The following LRRC7 variants were observed in gnomAD, a reference collection of about 807,000 sequenced individuals.
The protein encoded by LRRC7 is leucine-rich repeat-containing protein 7.
Under a neutral mutation model 175.7 loss-of-function variants are expected in LRRC7, and 23 were observed. That is an observed-to-expected ratio of 0.13 (90% CI 0.09 to 0.19). The LOEUF (loss-of-function observed/expected upper bound fraction) is 0.19, where lower values mean the gene tolerates loss of function less well. Among genes scored for constraint, LRRC7 ranks in the 10% least tolerant of loss-of-function variants. The probability of loss-of-function intolerance (pLI) is 1.00; values close to 1 mark genes in which losing one functional copy is unlikely to be tolerated. For synonymous variants in LRRC7, 685 were observed against 680.9 expected, an observed-to-expected ratio of 1.01 and a Z score of -0.09; for missense variants, 1,354 against 1,904.7, an observed-to-expected ratio of 0.71 and a Z score of 5.38.
chr1:70,121,576 C>T (rs942620969), intron 26 of LRRC7, among the ~76,000 whole-genome samples: 3 of 151,996 alleles, frequency 2.0e-5, no homozygotes, highest in African/African-American at 4.8e-5. Context: ...AAGACATAAT[C>T]GGTACTTAAT....
chr1:69,671,645 T>C lies in LRRC7; in HGVS notation c.3-6736T>C, dbSNP rs1659091369. 2.0e-5 allele frequency among the ~76,000 whole-genome samples: 3 copies of C among 152,122 alleles called. No homozygotes were observed. In the South Asian group the frequency reaches 6.2e-4, roughly 32 times the overall value. ...TATGGCCTCAGAGCATTTTAGCCCA[T>C]GGTAGTGAGGCTTCCTGGAGCTCAA... On this transcript the variant is annotated intron_variant, in intron 1 of 26. Coordinates refer to ENST00000651989, the MANE Select transcript of LRRC7 (RefSeq NM_001370785.2).
intron 7 of LRRC7, among the ~76,000 whole-genome samples, chr1:69,864,221 C>T (rs991383762): frequency 3.3e-5 from 5 of 152,136 alleles, no homozygotes; most frequent in African/African-American, 9.7e-5. Flanking sequence ...TTGCTTGTTT[C>T]CCTTGCAGGT....
chr1:70,062,398 TA>T (rs1230347862), intron 23 of LRRC7, among the ~76,000 whole-genome samples: 1 of 152,130 alleles, frequency 6.6e-6, no homozygotes, highest in African/African-American at 2.4e-5. Flanking sequence ...TATACTCTTT[TA>T]AAACATATGC....
chr1:69,795,170 G>C (rs1463783304), intron 4 of LRRC7, among the ~76,000 whole-genome samples: 1 of 152,016 alleles, frequency 6.6e-6, no homozygotes, highest in Admixed American at 6.6e-5. Context: ...TCGTGAGGTC[G>C]GGAGTTTGAG....
At position 69,926,187 on chromosome 1, in the gene LRRC7, C is replaced by T. The variant is rs1244270551; in HGVS notation, c.648-5320C>T. Among the ~76,000 whole-genome samples the T allele has an allele frequency of 2.2e-5, 3 of 138,490 alleles. No individual in the cohort carries two copies. In the South Asian group the frequency reaches 7.0e-4, roughly 32 times the overall value. The allele number at this position is 138,490 out of a possible 152,430, so 90.9% of individuals were successfully genotyped here. A position where few individuals can be genotyped will look rare whatever the true frequency, so the allele number is the denominator to read the frequency against. On this transcript the variant is annotated intron_variant, in intron 7 of 26. Coordinates refer to ENST00000651989, the MANE Select transcript of LRRC7 (RefSeq NM_001370785.2). ...GAGACAGTTTGTTATAATTTCCGTT[C>T]TTTTACATTTGCTGAGGAGAGCTTT...
chr1:69,990,366 C>A (rs1367342606), intron 10 of LRRC7, among the ~76,000 whole-genome samples: 5 of 151,742 alleles, frequency 3.3e-5, no homozygotes, highest in Admixed American at 3.3e-4. Flanking sequence ...TTTGATTACT[C>A]TAGAGAAAAG....
At chr1:69,612,618 G>A (rs1648948397) in intron 1 of LRRC7, among the ~76,000 whole-genome samples, 4 of 151,982 alleles carry the variant, frequency 2.6e-5, no homozygotes, top group Admixed American at 2.0e-4. Flanking sequence ...AATGGTGAAG[G>A]AACATGTAAG....
chr1:70,036,623 A>G lies in LRRC7; in HGVS notation c.2287A>G (p.Arg763Gly), dbSNP rs1659342313. 1 of 1,602,172 alleles carries G rather than the reference A, an allele frequency of 6.2e-7. No homozygotes were observed. Among genetic ancestry groups the G allele is most frequent in the East Asian group, 2.2e-5 (1 of 44,798 alleles). ...DAVHNSLWGN[R>G]IAPSFPQPLD... ...AGTACATAATTCTTTGTGGGGTAAC[A>G]GGTGTGTTTAGAATTCCCTCCTTTT... Residue 763 changes from arginine (R) to glycine (G), a missense_variant and splice_region_variant, in exon 20 of 27, where the codon AGG (arginine) becomes GGG (glycine). Arg to Gly is a moderately radical substitution (Grantham distance 125). Transcript: ENST00000651989.
At chr1:69,920,330 A>AC (rs1203638197) in intron 7 of LRRC7, 1 of 151,648 alleles carries the variant, frequency 6.6e-6, no homozygotes, top group East Asian at 1.9e-4. Context: ...AAAAAAAAAA[A>AC]CCACCAAGGA....
chr1:69,656,999 T>G (rs1656693426), intron 1 of LRRC7, among the ~76,000 whole-genome samples: 1 of 151,700 alleles, frequency 6.6e-6, no homozygotes, highest in Non-Finnish European at 1.5e-5. Context: ...AAAGGAAAAC[T>G]AAAGGAAAGG....
rs1294308117 is a variant in LRRC7, at chr1:70,136,557, CCTA to C, written c.*14672_*14674del. 6.6e-6 allele frequency among the ~76,000 whole-genome samples: 1 copy of C among 151,954 alleles called. No homozygotes were observed. The highest frequency in any genetic ancestry group is 2.4e-5 in the African/African-American group (1 of 41,360). Reference sequence around the variant, plus strand: ...ATGGAAGATATAAATAAGCCATGGTCCTACCCCTCAAGAAACACAGTCTAGTGG... The same window carrying C: ...ATGGAAGATATAAATAAGCCATGGTCCCCCTCAAGAAACACAGTCTAGTGG... On this transcript the variant is annotated 3_prime_UTR_variant, in exon 27 of 27. Coordinates refer to ENST00000651989, the MANE Select transcript of LRRC7 (RefSeq NM_001370785.2).
intron 2 of LRRC7, among the ~76,000 whole-genome samples, chr1:69,758,155 G>A (rs751225232): frequency 6.6e-6 from 1 of 151,990 alleles, no homozygotes; most frequent in Non-Finnish European, 1.5e-5. Flanking sequence ...TGTGCTAGAT[G>A]CCAGGTAACA....
At chr1:69,609,547 T>C (rs1010800808) in intron 1 of LRRC7, among the ~76,000 whole-genome samples, 1 of 152,046 alleles carries the variant, frequency 6.6e-6, no homozygotes, top group Non-Finnish European at 1.5e-5. Context: ...CTTGTTAATA[T>C]GTGTACTATT....
intron 11 of LRRC7, among the ~76,000 whole-genome samples, chr1:70,006,684 C>G (rs1261472858): frequency 6.6e-6 from 1 of 152,038 alleles, no homozygotes; most frequent in Non-Finnish European, 1.5e-5. Context: ...CCCACAGGTT[C>G]AGGGCTCAGT....
At chr1:70,119,421 AC>A (rs1356945803) in intron 26 of LRRC7, among the ~76,000 whole-genome samples, 1 of 152,026 alleles carries the variant, frequency 6.6e-6, no homozygotes, top group Non-Finnish European at 1.5e-5. Flanking sequence ...CTGAATGGCT[AC>A]TTTTTGATTG....
chr1:69,632,795 G>A (rs1652718518), intron 1 of LRRC7, among the ~76,000 whole-genome samples: 2 of 152,042 alleles, frequency 1.3e-5, no homozygotes, highest in African/African-American at 2.4e-5. Context: ...TGGGATTAAT[G>A]AATAAATATG....
chr1:69,825,597 TAAG>T, intron 4 of LRRC7, 148 bp from the exon 5 acceptor site: 1 of 374,730 alleles, frequency 2.7e-6, no homozygotes, highest in South Asian at 9.2e-5. Context: ...GATATGTTAT[TAAG>T]TTTTTATTTC....
chr1:69,964,626 CT>C (rs1651482765), intron 8 of LRRC7, among the ~76,000 whole-genome samples: 1 of 152,134 alleles, frequency 6.6e-6, no homozygotes, highest in South Asian at 2.1e-4. Flanking sequence ...GTCACTATTT[CT>C]CAAAGGAAAT....
chr1:70,023,471 A>C, intron 17 of LRRC7, 97 bp downstream of exon 17: 3 of 1,258,700 alleles, frequency 2.4e-6, no homozygotes, highest in Non-Finnish European at 2.1e-6. Context: ...GGGGTAAGAA[A>C]TGTTGATCAC....
Sources: allele counts gnomAD v4.1 joint callset (sites outside exome capture counted in the v4.1 genomes callset), GRCh38; gene constraint gnomAD v4.1.1; transcripts MANE v1.5; gene names NCBI Gene and HGNC (gene_info 2026-07-23, HGNC 2026-07-21).